Variants in PPARD observed in about 807,000 individuals in gnomAD.
PPARD encodes the protein peroxisome proliferator-activated receptor delta.
PPARD carries 6 observed loss-of-function variants against 39.5 expected under a neutral mutation model. That is an observed-to-expected ratio of 0.15 (90% CI 0.08 to 0.30). The LOEUF (loss-of-function observed/expected upper bound fraction) is 0.30. Among genes scored for constraint, PPARD ranks in the 10% least tolerant of loss-of-function variants. PPARD has a pLI of 1.00. For missense variants in PPARD, 397 were observed against 596.8 expected, an observed-to-expected ratio of 0.67 and a Z score of 3.49; for synonymous variants, 210 against 231.3, an observed-to-expected ratio of 0.91 and a Z score of 0.83.
intron 2 of PPARD, among the ~76,000 whole-genome samples, chr6:35,399,753 ATTC>A (rs1341033796): frequency 1.3e-5 from 2 of 152,160 alleles, no homozygotes; most frequent in Admixed American, 6.5e-5. Flanking sequence ...ACTTTCTTCT[ATTC>A]TTTTTCTAGT....
In PPARD at chr6:35,423,647, A is replaced by G. The variant is rs1313451595; in HGVS notation, c.425-299A>G. Among the ~76,000 whole-genome samples, 4 of 152,042 alleles carry G rather than the reference A, an allele frequency of 2.6e-5. No homozygotes were observed. In the East Asian group the frequency reaches 7.7e-4, roughly 29 times the overall value. ...GGCCTTTGTCACCAAAGTCTGTCTT[A>G]CCCCAGCTAGCGTAGCTCAGTCACT... On this transcript the variant is annotated intron_variant, in intron 5 of 7. Coordinates refer to ENST00000360694, the MANE Select transcript of PPARD (RefSeq NM_006238.5).
intron 2 of PPARD, among the ~76,000 whole-genome samples, chr6:35,381,369 C>T (rs1408777893): frequency 6.6e-6 from 1 of 152,178 alleles, no homozygotes; most frequent in African/African-American, 2.4e-5. Flanking sequence ...TTGGTTTACT[C>T]ATGAGTCAGT....
At chr6:35,381,814 C>T (rs928812094) in intron 2 of PPARD, among the ~76,000 whole-genome samples, 1 of 152,120 alleles carries the variant, frequency 6.6e-6, no homozygotes, top group Non-Finnish European at 1.5e-5. Flanking sequence ...CAAGGTCTGC[C>T]GCCATTCATT....
chr6:35,347,994 G>A (rs893585372), intron 2 of PPARD, among the ~76,000 whole-genome samples: 7 of 147,136 alleles, frequency 4.8e-5, no homozygotes, highest in African/African-American at 1.8e-4. Flanking sequence ...TGCAACCTCC[G>A]CCTCTTAGGT....
Position 35,426,442 on chromosome 6 carries a change from T to C in PPARD, c.*363T>C. On this transcript the variant is annotated 3_prime_UTR_variant, in exon 8 of 8. Coordinates refer to ENST00000360694, the MANE Select transcript of PPARD (RefSeq NM_006238.5). ...TCTTATTCTGTGAGATGTTTTGTAT[T>C]ATTTCACCAGCAGCATAGAACAGGA... The C allele has an allele frequency of 3.3e-6, 1 of 303,666 alleles. No individual in the cohort carries two copies. The highest frequency in any genetic ancestry group is 6.3e-6 in the Non-Finnish European group (1 of 159,922). 18.8% of individuals were successfully genotyped at this position (303,666 alleles called of 1,614,324 possible). A position where few individuals can be genotyped will look rare whatever the true frequency, so the allele number is the denominator to read the frequency against.
At chr6:35,380,476 G>GTTTTTTTTTTTTTTTTTTTTTTTTTTTT (rs71002557) in intron 2 of PPARD, among the ~76,000 whole-genome samples, 1 of 67,102 alleles carries the variant, frequency 1.5e-5, no homozygotes, top group East Asian at 5.4e-4. Flanking sequence ...TTTTTTGTTT[G>GTTTTTTTTTTTTTTTTTTTTTTTTTTTT]TTTTTTTTTT....
intron 2 of PPARD, among the ~76,000 whole-genome samples, chr6:35,356,088 A>G (rs1761598788): frequency 6.6e-6 from 1 of 152,144 alleles, no homozygotes; most frequent in African/African-American, 2.4e-5. Context: ...CAGCTTGGAA[A>G]GAGTTCTCTT....
At chr6:35,413,142 A>C (rs58915043) in intron 3 of PPARD, among the ~76,000 whole-genome samples, 10,977 of 152,234 alleles carry the variant, frequency 0.072, 800 homozygotes, top group African/African-American at 0.18. Context: ...TCTTGGGACC[A>C]GGGCTGTTTC....
intron 2 of PPARD, chr6:35,348,763 A>G (rs746584404): frequency 6.1e-6 from 6 of 985,320 alleles, no homozygotes; most frequent in Middle Eastern, 5.2e-4. Context: ...TCAAACCCAT[A>G]CCAAGTGCTT....
rs1171643973 is a variant in PPARD, at chr6:35,426,777, C to G, written c.*698C>G. The G allele has an allele frequency of 6.5e-6, 1 of 152,924 alleles. No homozygotes were observed. The highest frequency in any genetic ancestry group is 2.4e-5 in the African/African-American group (1 of 41,462). 9.5% of individuals were successfully genotyped at this position (152,924 alleles called of 1,614,324 possible). ...TTGCCCCTCCGATGCTGAGGCCACCCACTGACCCAACTGATCCTGCTCCAG... is the reference window on the plus strand; with the variant it reads ...TTGCCCCTCCGATGCTGAGGCCACCGACTGACCCAACTGATCCTGCTCCAG... On this transcript the variant is annotated 3_prime_UTR_variant, in exon 8 of 8. Coordinates refer to ENST00000360694, the MANE Select transcript of PPARD (RefSeq NM_006238.5).
rs766515472 is a variant in PPARD at position 35,425,876 on chromosome 6, G to T, written c.1123G>T (p.Asp375Tyr). The T allele has an allele frequency of 1.2e-6, 2 of 1,614,038 alleles. No homozygotes were observed. Among genetic ancestry groups the T allele is most frequent in the Non-Finnish European group, 1.7e-6 (2 of 1,179,992 alleles). ...MNVPRVEAIQ[D>Y]TILRALEFHL... ...CGTTCCACGGGTGGAGGCTATCCAGGACACCATCCTGCGTGCCCTCGAATT... is the reference window on the plus strand; with the variant it reads ...CGTTCCACGGGTGGAGGCTATCCAGTACACCATCCTGCGTGCCCTCGAATT... The change falls in exon 8 of 8, where the codon GAC (aspartate) becomes TAC (tyrosine). Residue 375 changes from aspartate to tyrosine, a missense_variant. By Grantham distance (160) the Asp-to-Tyr change is radical. Transcript: ENST00000360694. The surrounding 1 kb of genome is among the most constrained non-coding windows in gnomAD (Gnocchi z 4.5).
At chr6:35,347,516 G>T (rs561731590) in intron 2 of PPARD, among the ~76,000 whole-genome samples, 1 of 151,972 alleles carries the variant, frequency 6.6e-6, no homozygotes, top group African/African-American at 2.4e-5. Context: ...TTTCGTCTTT[G>T]CCTATATGGG....
intron 3 of PPARD, among the ~76,000 whole-genome samples, chr6:35,414,746 C>T (rs903429994): frequency 1.3e-5 from 2 of 152,170 alleles, no homozygotes; most frequent in African/African-American, 4.8e-5. Flanking sequence ...ATTACTTTGG[C>T]CTCGGGAGTC....
intron 2 of PPARD, among the ~76,000 whole-genome samples, chr6:35,379,345 G>T (rs1358076315): frequency 6.6e-6 from 1 of 152,046 alleles, no homozygotes; most frequent in Non-Finnish European, 1.5e-5. Flanking sequence ...CTTGTGGTCT[G>T]CCCACCTTAG....
At chr6:35,394,391 C>T (rs541845051) in intron 2 of PPARD, among the ~76,000 whole-genome samples, 3 of 152,318 alleles carry the variant, frequency 2.0e-5, no homozygotes, top group African/African-American at 7.2e-5. Flanking sequence ...TTATTTTCTA[C>T]AATCATTTAT....
At chr6:35,370,454 T>C (rs550370172) in intron 2 of PPARD, among the ~76,000 whole-genome samples, 1 of 152,346 alleles carries the variant, frequency 6.6e-6, no homozygotes, top group Admixed American at 6.5e-5. Flanking sequence ...GAGATGTCAC[T>C]CTGGAAGTTC....
intron 2 of PPARD, among the ~76,000 whole-genome samples, chr6:35,355,854 G>A (rs1761581839): frequency 6.6e-6 from 1 of 151,344 alleles, no homozygotes. Context: ...CTTGTGATCC[G>A]CCCGTCTCAG....
chr6:35,385,858 C>T (rs1420893345), intron 2 of PPARD, among the ~76,000 whole-genome samples: 2 of 151,788 alleles, frequency 1.3e-5, no homozygotes, highest in Non-Finnish European at 2.9e-5. Flanking sequence ...TTGGATTGTG[C>T]AGCGGATGGA....
At chr6:35,384,038 G>A (rs1409018829) in intron 2 of PPARD, among the ~76,000 whole-genome samples, 297 of 140,836 alleles carry the variant, frequency 2.1e-3, no homozygotes, top group African/African-American at 7.6e-3. Context: ...GGAGGGAGGT[G>A]GGGGGGTCAG....
Sources: gnomAD v4.1 joint callset for allele counts (sites outside exome capture counted in the v4.1 genomes callset) on GRCh38, gnomAD v4.1.1 for gene constraint, Gnocchi (gnomAD v3.1) non-coding constraint, MANE v1.5 for transcripts, NCBI Gene and HGNC (gene_info 2026-07-23, HGNC 2026-07-21) for gene names.